GPRC5C: variants seen among roughly 807,000 people sequenced by gnomAD.
The protein encoded by GPRC5C is G protein-coupled receptor family C group 5 member C.
In GPRC5C, 22 loss-of-function variants were observed where a neutral mutation model predicts 31.4. The observed-to-expected ratio is 0.70, with a 90% CI of 0.50 to 1.00. GPRC5C has a LOEUF of 1.00. Among genes scored for constraint, GPRC5C ranks in the 50% least tolerant of loss-of-function variants. GPRC5C has a pLI of 0.00. For missense variants in GPRC5C, 557 were observed against 597.2 expected (o/e 0.93, Z 0.70); for synonymous variants, 249 against 257.5 (o/e 0.97, Z 0.32).
At chr17:74,445,378 A>C (rs1433268223) in intron 3 of GPRC5C, 2 of 152,366 alleles carry the variant, frequency 1.3e-5, no homozygotes, top group African/African-American at 4.8e-5. Context: ...GCAGATCTGC[A>C]AGCCCAGCAT....
At chr17:74,434,848 G>A (rs1329922522) in intron 1 of GPRC5C, among the ~76,000 whole-genome samples, 2 of 151,850 alleles carry the variant, frequency 1.3e-5, no homozygotes, top group African/African-American at 4.8e-5. Context: ...GCTTGAACCT[G>A]GGAGTTGGAG....
downstream of GPRC5C, chr17:74,451,586 G>A (rs947815656): frequency 2.0e-5 from 3 of 152,048 alleles, no homozygotes; most frequent in African/African-American, 7.3e-5. Context: ...GTCAAACCGA[G>A]GACTTTGGAC....
rs1435770598 is a variant in GPRC5C, at chr17:74,446,788, C to T, written c.1147-61C>T. The T allele has an allele frequency of 9.0e-6, 12 of 1,335,610 alleles. No homozygotes were observed. In the Admixed American group the frequency reaches 1.8e-4, roughly 20 times the overall value. 82.7% of individuals were successfully genotyped at this position (1,335,610 alleles called of 1,614,324 possible). A position where few individuals can be genotyped will look rare whatever the true frequency, so the allele number is the denominator to read the frequency against. On this transcript the variant is annotated intron_variant, in intron 3 of 3. Transcript: ENST00000392627. The stretch of plus-strand genomic sequence containing the variant: ...AGCCCTGCAGGAAGTGTTTGTGCAT[C>T]CGCCCCGGCGGAACCTGGCTCCCAA...
intron 3 of GPRC5C, 133 bp from the exon 4 acceptor site, chr17:74,446,715 AG>A: frequency 3.0e-6 from 2 of 673,830 alleles, no homozygotes; most frequent in Non-Finnish European, 5.0e-6. Flanking sequence ...GCCCAGCCAG[AG>A]GGGGCAGAGG....
At chr17:74,445,948 C>G (rs1054500316) in intron 3 of GPRC5C, 2 of 135,108 alleles carry the variant, frequency 1.5e-5, no homozygotes, top group African/African-American at 2.7e-5. Flanking sequence ...TGCTTGAGGC[C>G]GAGGGTTCGA....
In GPRC5C at chr17:74,439,939, G is replaced by T. The variant is rs148895616; in HGVS notation, c.163G>T (p.Ala55Ser). 1.2e-6 allele frequency: 2 copies of T among 1,611,520 alleles called. No homozygotes were observed. The highest frequency in any genetic ancestry group is 8.5e-7 in the Non-Finnish European group (1 of 1,180,002). ...RSGAWGIVLE[A>S]VAGAGIVTTF... ...TGGGGCGTGGGGCATCGTCCTGGAGGCCGTGGCTGGGGCGGGCATTGTCAC... is the reference window on the plus strand; with the variant it reads ...TGGGGCGTGGGGCATCGTCCTGGAGTCCGTGGCTGGGGCGGGCATTGTCAC... Residue 55 changes from alanine to serine, a missense_variant, in exon 2 of 4, where the codon GCC becomes TCC. Ala to Ser is a moderately conservative substitution (Grantham distance 99). Coordinates refer to ENST00000392627, the MANE Select transcript of GPRC5C (RefSeq NM_022036.4).
At chr17:74,449,538 G>A (rs1403277799), downstream of GPRC5C, 3 of 339,496 alleles carry the variant, frequency 8.8e-6, no homozygotes, top group Admixed American at 7.9e-5. Context: ...GTGTGTGACT[G>A]GAGCGCCTAG....
downstream of GPRC5C, among the ~76,000 whole-genome samples, chr17:74,449,129 G>A (rs1486780912): frequency 2.0e-5 from 3 of 151,978 alleles, no homozygotes; most frequent in African/African-American, 4.8e-5. Flanking sequence ...GAAAGGGAGA[G>A]AAAGGTTGCT....
At position 74,438,099 on chromosome 17, in the gene GPRC5C, A is replaced by G. The variant is rs931282483; in HGVS notation, c.-32-1646A>G. On this transcript the variant is annotated intron_variant, in intron 1 of 3. Transcript: ENST00000392627. The stretch of plus-strand genomic sequence containing the variant: ...GCCCAGGCTGCAGTGCAGTGGTGCA[A>G]TCGCAGCTCACTGCAGCCTCGATCC... Among the ~76,000 whole-genome samples the G allele has an allele frequency of 4.7e-5, 7 of 149,972 alleles. No homozygotes were observed. The South Asian group carries it at 8.5e-4, about 18-fold the overall frequency.
At position 74,447,290 on chromosome 17, in the gene GPRC5C, T is replaced by A. The variant is rs141551049; in HGVS notation, c.*262T>A. 3.3e-4 allele frequency: 403 copies of A among 1,228,800 alleles called. 2 individuals carry two copies. In the African/African-American group the frequency reaches 5.8e-3, roughly 18 times the overall value. 76.1% of individuals were successfully genotyped at this position (1,228,800 alleles called of 1,614,324 possible). On this transcript the variant is annotated 3_prime_UTR_variant, in exon 4 of 4. Coordinates refer to ENST00000392627, the MANE Select transcript of GPRC5C (RefSeq NM_022036.4). Reference sequence around the variant, plus strand: ...CGGTCACACTCCAGCCAAATAGTGTTCTCGGGGTGGTGGCTGGGCAGCGCC... The same window carrying A: ...CGGTCACACTCCAGCCAAATAGTGTACTCGGGGTGGTGGCTGGGCAGCGCC...
downstream of GPRC5C, chr17:74,449,847 C>A: frequency 6.4e-6 from 1 of 156,118 alleles, no homozygotes; most frequent in Non-Finnish European, 1.4e-5. Flanking sequence ...TCTTTGGAGC[C>A]AAGCCAGGGC....
intron 1 of GPRC5C, among the ~76,000 whole-genome samples, chr17:74,435,919 T>C (rs898014983): frequency 3.9e-5 from 6 of 152,236 alleles, no homozygotes; most frequent in African/African-American, 1.2e-4. Flanking sequence ...AGTCCTTCGA[T>C]TGTTTTTTGG....
chr17:74,447,212 A>C lies in GPRC5C; in HGVS notation c.*184A>C. Reference sequence around the variant, plus strand: ...TCATGGGTGTCCCCACCCACTCCTCAGTGTTTGTGGAGTCGAGGAGCCAAC... The same window carrying C: ...TCATGGGTGTCCCCACCCACTCCTCCGTGTTTGTGGAGTCGAGGAGCCAAC... On this transcript the variant is annotated 3_prime_UTR_variant, in exon 4 of 4. Transcript: ENST00000392627. 7.3e-7 allele frequency: 1 copy of C among 1,375,008 alleles called. No individual in the cohort carries two copies. The highest frequency in any genetic ancestry group is 2.8e-5 in the East Asian group (1 of 35,922). The allele number at this position is 1,375,008 out of a possible 1,614,324, so 85.2% of individuals were successfully genotyped here.
chr17:74,432,384 C>T (rs898067345), intron 1 of GPRC5C: 1 of 1,304,592 alleles, frequency 7.7e-7, no homozygotes, highest in Non-Finnish European at 9.7e-7. Context: ...TGCGTCCCGG[C>T]CCGGGCCCCG....
chr17:74,439,850 G>A lies in GPRC5C; in HGVS notation c.74G>A (p.Gly25Asp), dbSNP rs1350032081. The A allele has an allele frequency of 1.9e-6, 3 of 1,613,296 alleles. No individual in the cohort carries two copies. The highest frequency in any genetic ancestry group is 2.5e-6 in the Non-Finnish European group (3 of 1,180,012). ...LFLFPGAWAQ[G>D]HVPPGCSQGL... is the part of the protein sequence containing the mutation. ...CTGTTCCCAGGGGCCTGGGCCCAGG[G>A]CCATGTCCCACCCGGCTGCAGCCAA... Residue 25 changes from glycine (G) to aspartate (D), a missense_variant, in exon 2 of 4, where the codon GGC (glycine) becomes GAC (aspartate). By Grantham distance (94) the Gly-to-Asp change is moderately conservative (BLOSUM62 -1). Coordinates refer to ENST00000392627, the MANE Select transcript of GPRC5C (RefSeq NM_022036.4).
At chr17:74,445,043 A>C (rs1427802171) in intron 3 of GPRC5C, among the ~76,000 whole-genome samples, 1 of 152,116 alleles carries the variant, frequency 6.6e-6, no homozygotes, top group East Asian at 1.9e-4. Context: ...TGAGGTCAGG[A>C]GTTTGAGACC....
chr17:74,437,416 TAGTTAATTTTAAG>T (rs2055448435), intron 1 of GPRC5C, among the ~76,000 whole-genome samples: 1 of 152,178 alleles, frequency 6.6e-6, no homozygotes, highest in Admixed American at 6.5e-5. Context: ...TTACATGAGA[TAGTTAATTTTAAG>T]AGTTAATCTT....
rs777432965 is a variant in GPRC5C at position 74,432,118 on chromosome 17, A to C, written c.-56A>C. Reference sequence around the variant, plus strand: ...CTCCCATCTCCCTCACCAGCCGGAAAGTACGAGTCGGCTCAGCCTGGAGGT... The same window carrying C: ...CTCCCATCTCCCTCACCAGCCGGAACGTACGAGTCGGCTCAGCCTGGAGGT... On this transcript the variant is annotated 5_prime_UTR_variant, in exon 1 of 4. Coordinates refer to ENST00000392627, the MANE Select transcript of GPRC5C (RefSeq NM_022036.4). 6.2e-7 allele frequency: 1 copy of C among 1,613,374 alleles called. No homozygotes were observed. Among genetic ancestry groups the C allele is most frequent in the Non-Finnish European group, 8.5e-7 (1 of 1,179,808 alleles).
intron 1 of GPRC5C, among the ~76,000 whole-genome samples, chr17:74,436,956 T>C (rs1308083156): frequency 1.3e-5 from 2 of 152,154 alleles, no homozygotes. Context: ...TTGTTTTTGG[T>C]TTTTGAGATG....
Sources: gnomAD v4.1 joint callset for allele counts (sites outside exome capture counted in the v4.1 genomes callset) on GRCh38, gnomAD v4.1.1 for gene constraint, MANE v1.5 for transcripts, NCBI Gene and HGNC (gene_info 2026-07-23, HGNC 2026-07-21) for gene names.